TNNT1: variants seen among roughly 807,000 people sequenced by gnomAD.
The protein encoded by TNNT1 is troponin T1, slow skeletal type, also known as troponin T, slow skeletal muscle.
TNNT1 carries 53 observed loss-of-function variants against 50.6 expected under a neutral mutation model. The ratio of observed to expected loss-of-function variants is 1.05; its 90% CI spans 0.84 to 1.32. TNNT1 has a LOEUF of 1.32. Ranked by LOEUF, TNNT1 falls within the 40% of genes most tolerant of loss-of-function variation. TNNT1 has a pLI of 0.00. For synonymous variants in TNNT1, 142 were observed against 138.0 expected (o/e 1.03, Z -0.20); for missense variants, 348 against 381.7 (o/e 0.91, Z 0.74).
intron 13 of TNNT1, among the ~76,000 whole-genome samples, chr19:55,133,272 T>C (rs1328934428): frequency 6.9e-6 from 1 of 145,330 alleles, no homozygotes; most frequent in Admixed American, 6.9e-5. Flanking sequence ...TGGGCATGGG[T>C]GGGTAACACG....
Position 55,134,210 on chromosome 19 carries a change from C to T in TNNT1, c.612-6G>A. On this transcript the variant is annotated splice_region_variant and splice_polypyrimidine_tract_variant and intron_variant, in intron 11 of 13. Transcript: ENST00000588981. ...GCAGCCAGGCAGACCGGGCCCTAGG[C>T]CCAGGGACGGAGAGGAACTTGGGCC... 2 of 1,563,130 alleles carry T rather than the reference C, an allele frequency of 1.3e-6. No homozygotes were observed. Among genetic ancestry groups the T allele is most frequent in the Non-Finnish European group, 8.7e-7 (1 of 1,153,622 alleles).
At chr19:55,146,628 C>T in intron 4 of TNNT1, 53 bp downstream of exon 4, 1 of 1,252,308 alleles carries the variant, frequency 8.0e-7, no homozygotes, top group Non-Finnish European at 1.1e-6. Flanking sequence ...CCGGGCCCAG[C>T]GTCCCCGCCC....
chr19:55,146,794 T>A, intron 3 of TNNT1, 87 bp from the exon 4 acceptor site: 1 of 1,203,236 alleles, frequency 8.3e-7, no homozygotes, highest in African/African-American at 1.5e-5. Flanking sequence ...CAGTCTCTGC[T>A]GGACGGGGGT....
intron 3 of TNNT1, 79 bp downstream of exon 3, chr19:55,146,929 G>T: frequency 6.7e-7 from 1 of 1,493,068 alleles, no homozygotes; most frequent in Non-Finnish European, 9.0e-7. Context: ...CCCCGCCAAA[G>T]TGCCACACTC....
intron 3 of TNNT1, 99 bp downstream of exon 3, chr19:55,146,909 G>A: frequency 2.8e-6 from 4 of 1,445,030 alleles, no homozygotes; most frequent in East Asian, 2.5e-5. Context: ...CGAGGGCTGA[G>A]CCGCCCCTTC....
At chr19:55,147,192 C>T in intron 1 of TNNT1, 24 bp from the exon 2 acceptor site, 5 of 1,611,096 alleles carry the variant, frequency 3.1e-6, no homozygotes, top group Non-Finnish European at 3.4e-6. Context: ...AGAAGAGGCC[C>T]AGTGGGGTGG....
In TNNT1 at chr19:55,141,896, G is replaced by A. The variant is rs1451058195; in HGVS notation, c.153C>T (p.Ile51=). Residue 51 remains isoleucine (I), a synonymous_variant, in exon 7 of 14, where the codon ATC becomes ATT. Transcript: ENST00000588981. The part of the protein sequence containing the change: ...KPSRPVVPPL[I]PPKIPEGERV... ...GCTCCCCTTCTGGGATCTTTGGCGG[G>A]ATCAAAGGAGGCACCACGGGGCGGC... The A allele has an allele frequency of 2.5e-6, 4 of 1,613,966 alleles. No homozygotes were observed. The highest frequency in any genetic ancestry group is 2.7e-5 in the African/African-American group (2 of 74,920).
At chr19:55,134,659 CAAAA>C (rs1055360883) in intron 11 of TNNT1, among the ~76,000 whole-genome samples, 2 of 106,402 alleles carry the variant, frequency 1.9e-5, no homozygotes, top group African/African-American at 7.6e-5. Flanking sequence ...CAGAGCAAGA[CAAAA>C]GAAAGGAAAG....
In TNNT1 at chr19:55,140,867, C is replaced by A; in HGVS notation, c.387+16G>T. On this transcript the variant is annotated intron_variant, in intron 9 of 13. Coordinates refer to ENST00000588981, the MANE Select transcript of TNNT1 (RefSeq NM_003283.6). ...AGAAGTAACATTTGGGCTCTCAGGG[C>A]AGGGGAGGCACCCACCGCCAGCTTA... is the stretch of plus-strand genomic sequence containing the variant. 2 of 1,612,250 alleles carry A rather than the reference C, an allele frequency of 1.2e-6. No individual in the cohort carries two copies. Among genetic ancestry groups the A allele is most frequent in the Non-Finnish European group, 1.7e-6 (2 of 1,179,374 alleles).
chr19:55,137,083 G>T lies in TNNT1; in HGVS notation c.611+20C>A. On this transcript the variant is annotated intron_variant, in intron 11 of 13. Coordinates refer to ENST00000588981, the MANE Select transcript of TNNT1 (RefSeq NM_003283.6). ...TCTCACACCCAGGCCCCTACACCCC[G>T]AGCCCCCCACAGCACCTACCGGAGC... 3 of 477,740 alleles carry T rather than the reference G, an allele frequency of 6.3e-6. No homozygotes were observed. Among genetic ancestry groups the T allele is most frequent in the Non-Finnish European group, 3.7e-6 (1 of 267,058 alleles). 29.6% of individuals were successfully genotyped at this position (477,740 alleles called of 1,614,324 possible).
intron 11 of TNNT1, among the ~76,000 whole-genome samples, chr19:55,135,821 G>A (rs773149894): frequency 1.3e-4 from 19 of 151,836 alleles, no homozygotes; most frequent in Non-Finnish European, 2.4e-4. Flanking sequence ...GCGCCCGCCC[G>A]GCCAACAATA....
chr19:55,140,978 A>G lies in TNNT1; in HGVS notation c.310-18T>C, dbSNP rs771191322. ...CGCCGCTCCTGGGAAACGGAGAAGC[A>G]TAAGGGGGTGCAGGGACGTACCCCC... is the stretch of plus-strand genomic sequence containing the variant. On this transcript the variant is annotated intron_variant, in intron 8 of 13. Transcript: ENST00000588981. The G allele has an allele frequency of 1.1e-5, 18 of 1,613,716 alleles. No homozygotes were observed. The highest frequency in any genetic ancestry group is 3.3e-5 in the South Asian group (3 of 91,064).
intron 13 of TNNT1, chr19:55,133,685 A>G (rs937671073): frequency 1.5e-6 from 1 of 649,506 alleles, no homozygotes; most frequent in Non-Finnish European, 2.7e-6. Flanking sequence ...CTCAATAAAA[A>G]AAAAAAAAAA....
intron 9 of TNNT1, 152 bp downstream of exon 9, chr19:55,140,731 C>G (rs149119868): frequency 7.6e-6 from 3 of 393,120 alleles, no homozygotes; most frequent in Non-Finnish European, 1.2e-5. Flanking sequence ...GAGCTGAGAT[C>G]GTGCCACTGC....
chr19:55,141,371 C>T (rs903895947), intron 7 of TNNT1, 69 bp from the exon 8 acceptor site: 1 of 1,155,962 alleles, frequency 8.7e-7, no homozygotes, highest in African/African-American at 1.5e-5. Flanking sequence ...GCACCTCCCC[C>T]ATGCAGGATG....
chr19:55,138,732 C>T (rs987055933), intron 9 of TNNT1, among the ~76,000 whole-genome samples: 1 of 152,202 alleles, frequency 6.6e-6, no homozygotes, highest in Non-Finnish European at 1.5e-5. Context: ...GGGCCACAGT[C>T]GCCCTTAGTC....
chr19:55,141,118 A>T, intron 8 of TNNT1, 68 bp downstream of exon 8: 1 of 1,502,044 alleles, frequency 6.7e-7, no homozygotes, highest in South Asian at 1.1e-5. Flanking sequence ...TATTATCTGC[A>T]TCTCCCAAGA....
chr19:55,140,661 C>T, intron 9 of TNNT1: 1 of 223,182 alleles, frequency 4.5e-6, no homozygotes, highest in Non-Finnish European at 8.8e-6. Flanking sequence ...CCTGTAGTCC[C>T]AGCTACTGGG....
chr19:55,146,460 T>C lies in TNNT1; in HGVS notation c.80A>G (p.Glu27Gly). ...EAAEEEEEAP[E>G]EPEPVAEPEE... ...TGGCTCTGCCACCGGCTCCGGCTCT[T>C]CGGGGGCTGGGGAGGGGAGGGAGGA... Residue 27 changes from glutamate (E) to glycine (G), a missense_variant, in exon 5 of 14, where the codon GAA (glutamate) becomes GGA (glycine). Physicochemically the swap from Glu to Gly is moderately conservative, Grantham distance 98 (BLOSUM62 -2). This residue lies in a region of TNNT1 where 90 missense variants were observed against 70.8 expected (regional missense o/e 1.27). Coordinates refer to ENST00000588981, the MANE Select transcript of TNNT1 (RefSeq NM_003283.6). The C allele has an allele frequency of 8.4e-7, 1 of 1,195,578 alleles. No homozygotes were observed. Among genetic ancestry groups the C allele is most frequent in the Non-Finnish European group, 1.1e-6 (1 of 951,364 alleles). The allele number at this position is 1,195,578 out of a possible 1,614,324, so 74.1% of individuals were successfully genotyped here.
Sources: allele counts gnomAD v4.1 joint callset (sites outside exome capture counted in the v4.1 genomes callset), GRCh38; gene constraint gnomAD v4.1.1; regional missense constraint gnomAD v4.1.1; transcripts MANE v1.5; gene names NCBI Gene and HGNC (gene_info 2026-07-23, HGNC 2026-07-21).